The following RELN variants were observed in gnomAD, a reference collection of about 807,000 sequenced individuals.
RELN encodes the protein reelin.
Under a neutral mutation model 427.6 loss-of-function variants are expected in RELN, and 108 were observed. The observed-to-expected ratio is 0.25, with a 90% CI of 0.22 to 0.30. The LOEUF (loss-of-function observed/expected upper bound fraction) is 0.30. Ranked by LOEUF, RELN falls within the 10% of genes least tolerant of loss-of-function variation. The pLI is 1.00. For synonymous variants in RELN, 1,524 were observed against 1,513.4 expected, an observed-to-expected ratio of 1.01 and a Z score of -0.16; for missense variants, 3,715 against 4,302.8, an observed-to-expected ratio of 0.86 and a Z score of 3.82.
chr7:103,814,769 C>CAG, intron 3 of RELN, among the ~76,000 whole-genome samples: 1 of 151,736 alleles, frequency 6.6e-6, no homozygotes, highest in Non-Finnish European at 1.5e-5. Context: ...AGCTCTGTGA[C>CAG]AGAGCTCACC....
intron 12 of RELN, among the ~76,000 whole-genome samples, chr7:103,658,086 G>C (rs1833061208): frequency 6.6e-6 from 1 of 152,094 alleles, no homozygotes; most frequent in Non-Finnish European, 1.5e-5. Flanking sequence ...CGAATGAGTT[G>C]ATGTCTCTTA....
intron 3 of RELN, among the ~76,000 whole-genome samples, chr7:103,786,450 T>C (rs1792017355): frequency 6.8e-6 from 1 of 147,732 alleles, no homozygotes; most frequent in Non-Finnish European, 1.5e-5. Flanking sequence ...GAGACCCATC[T>C]CATGTGCAAA....
intron 3 of RELN, among the ~76,000 whole-genome samples, chr7:103,813,122 T>C (rs39335): frequency 0.2 from 31,077 of 152,188 alleles, 3,576 homozygotes; most frequent in Middle Eastern, 0.31. Flanking sequence ...TTAATGTAGA[T>C]ACTACGTTTG....
chr7:103,832,821 C>A lies in RELN; in HGVS notation c.473+716G>T, dbSNP rs368269300. Among the ~76,000 whole-genome samples the A allele has an allele frequency of 2.6e-5, 4 of 152,122 alleles. No individual in the cohort carries two copies. In the East Asian group the frequency reaches 5.8e-4, roughly 22 times the overall value. On this transcript the variant is annotated intron_variant, in intron 3 of 64. Transcript: ENST00000428762. ...CCACCAGGAATTTCCTAAATGATCC[C>A]ATTTTCTGCTTGGCACTAATGGCCA...
intron 2 of RELN, among the ~76,000 whole-genome samples, chr7:103,879,126 A>G (rs891765696): frequency 6.6e-6 from 1 of 152,218 alleles, no homozygotes; most frequent in Non-Finnish European, 1.5e-5. Context: ...TAAGAGGCTG[A>G]GCTCTGCAGT....
chr7:103,850,118 C>T (rs1324867573), intron 2 of RELN, among the ~76,000 whole-genome samples: 1 of 152,156 alleles, frequency 6.6e-6, no homozygotes, highest in Non-Finnish European at 1.5e-5. Context: ...ATGACTTTTT[C>T]TATCCACAAA....
intron 4 of RELN, among the ~76,000 whole-genome samples, chr7:103,758,038 A>C (rs663302): frequency 0.49 from 73,592 of 151,658 alleles, 19,802 homozygotes; most frequent in African/African-American, 0.73. Flanking sequence ...GAATGTTCGG[A>C]TAGGATGAAT....
At chr7:103,494,715 CTATT>C (rs1828781475) in intron 57 of RELN, among the ~76,000 whole-genome samples, 1 of 151,352 alleles carries the variant, frequency 6.6e-6, no homozygotes, top group South Asian at 2.1e-4. Flanking sequence ...CTCTGAGTGT[CTATT>C]AATTATTTAT....
chr7:103,828,642 C>T (rs1019118658), intron 3 of RELN, among the ~76,000 whole-genome samples: 1 of 151,926 alleles, frequency 6.6e-6, no homozygotes, highest in African/African-American at 2.4e-5. Context: ...GTAATTCACA[C>T]ATTCCCCACA....
chr7:103,682,359 T>C (rs1306469703), intron 10 of RELN, 98 bp from the exon 11 acceptor site: 4 of 1,251,070 alleles, frequency 3.2e-6, no homozygotes, highest in Middle Eastern at 1.8e-4. Context: ...AAAGTTATTA[T>C]ATTAGCTCCT....
intron 3 of RELN, among the ~76,000 whole-genome samples, chr7:103,781,658 T>C (rs919017794): frequency 2.6e-5 from 4 of 152,046 alleles, no homozygotes; most frequent in African/African-American, 9.7e-5. Flanking sequence ...CATCTCCCCA[T>C]CTACCTCCCC....
chr7:103,650,363 G>C lies in RELN; in HGVS notation c.1913C>G (p.Pro638Arg), dbSNP rs114993407. The part of the protein sequence containing the change: ...NYSGWNRITI[P>R]LPNAALTRNT... ...CCGGGTTAGTGCTGCGTTAGGAAGG[G>C]GAATTGTTATTCGGTTCCACCTGCA... is the stretch of plus-strand genomic sequence containing the variant. The change falls in exon 16 of 65, where the codon CCC becomes CGC. Residue 638 changes from proline (P) to arginine (R), a missense_variant. Around this residue, in one of 4 missense-constraint regions of RELN, gnomAD observed 2,208 missense variants for 2,361.7 expected, o/e 0.93. Transcript: ENST00000428762. The C allele has an allele frequency of 6.2e-7, 1 of 1,611,922 alleles. No homozygotes were observed.
intron 20 of RELN, among the ~76,000 whole-genome samples, chr7:103,624,724 C>T (rs1832291761): frequency 2.0e-5 from 3 of 152,096 alleles, no homozygotes; most frequent in African/African-American, 7.2e-5. Context: ...TGCCTGGCCT[C>T]CTCATGCCTT....
At chr7:103,941,177 C>T (rs956420215) in intron 1 of RELN, among the ~76,000 whole-genome samples, 2 of 152,094 alleles carry the variant, frequency 1.3e-5, no homozygotes, top group Non-Finnish European at 2.9e-5. Context: ...GCTTAGACTT[C>T]CATAACTGTC....
chr7:103,659,009 A>G (rs1282450878), intron 12 of RELN, among the ~76,000 whole-genome samples: 1 of 151,548 alleles, frequency 6.6e-6, no homozygotes, highest in Non-Finnish European at 1.5e-5. Context: ...TGTTTGTCTT[A>G]TGCTACCTTC....
chr7:103,633,648 C>T (rs1442457691), intron 19 of RELN, among the ~76,000 whole-genome samples: 6 of 151,992 alleles, frequency 3.9e-5, no homozygotes, highest in African/African-American at 7.2e-5. Flanking sequence ...CAAGATTAAA[C>T]GCGCCTTTGC....
In RELN at chr7:103,561,711, T is replaced by TAAGA. The variant is rs752234487; in HGVS notation, c.5352-6_5352-3dup. 2 of 1,613,832 alleles carry TAAGA rather than the reference T, an allele frequency of 1.2e-6. No homozygotes were observed. Among genetic ancestry groups the TAAGA allele is most frequent in the South Asian group, 2.2e-5 (2 of 91,072 alleles). On this transcript the variant is annotated splice_region_variant and splice_polypyrimidine_tract_variant and intron_variant, in intron 35 of 64. Coordinates refer to ENST00000428762, the MANE Select transcript of RELN (RefSeq NM_005045.4). The stretch of plus-strand genomic sequence containing the variant: ...GGTCCACCAAAGCCCCGGTCACACC[T>TAAGA]AAGAAAGAGAGGGAGTGGAGAAAAG...
chr7:103,668,219 G>A (rs916467418), intron 11 of RELN, among the ~76,000 whole-genome samples: 1 of 152,046 alleles, frequency 6.6e-6, no homozygotes. Flanking sequence ...GACAGAGGGA[G>A]ACTCTGTCTC....
chr7:103,594,599 T>G lies in RELN; in HGVS notation c.3540-107A>C, dbSNP rs1016278344. On this transcript the variant is annotated intron_variant, in intron 25 of 64. Transcript: ENST00000428762. ...CAACAAGAGAAAAGTTTTGTTTGGT[T>G]TGATCTCAATATTTTCCAAAAGCCC... 6 of 1,205,782 alleles carry G rather than the reference T, an allele frequency of 5.0e-6. No homozygotes were observed. In the African/African-American group the frequency reaches 7.5e-5, roughly 15 times the overall value. The allele number at this position is 1,205,782 out of a possible 1,614,324, so 74.7% of individuals were successfully genotyped here.
Sources: gnomAD v4.1 joint callset for allele counts (sites outside exome capture counted in the v4.1 genomes callset) on GRCh38, gnomAD v4.1.1 for gene constraint, gnomAD v4.1.1 regional missense constraint, MANE v1.5 for transcripts, NCBI Gene and HGNC (gene_info 2026-07-23, HGNC 2026-07-21) for gene names.